Variants in RPRD2 observed in about 807,000 individuals in gnomAD.
RPRD2 encodes the protein regulation of nuclear pre-mRNA domain containing 2.
In RPRD2, 12 loss-of-function variants were observed where a neutral mutation model predicts 104.4. The ratio of observed to expected loss-of-function variants is 0.11; its 90% CI spans 0.07 to 0.19. The LOEUF is 0.19. RPRD2 is among the 10% of genes least tolerant of loss of function. The pLI, the probability that RPRD2 is intolerant of heterozygous loss-of-function variation, is 1.00. For missense variants in RPRD2, 1,543 were observed against 1,790.1 expected, an observed-to-expected ratio of 0.86 and a Z score of 2.49; for synonymous variants, 714 against 684.9, an observed-to-expected ratio of 1.04 and a Z score of -0.66.
chr1:150,399,576 G>T (rs1391683943), intron 1 of RPRD2, among the ~76,000 whole-genome samples: 3 of 151,992 alleles, frequency 2.0e-5, no homozygotes, highest in Admixed American at 1.3e-4. Flanking sequence ...GGCCAACATG[G>T]TGAGACCTCA....
At chr1:150,453,365 C>T (rs942547405) in intron 7 of RPRD2, among the ~76,000 whole-genome samples, 8 of 152,060 alleles carry the variant, frequency 5.3e-5, no homozygotes, top group Non-Finnish European at 8.8e-5. Context: ...TGGCCAGTCT[C>T]CCAGCACTTC....
chr1:150,459,937 G>A (rs782316322), intron 8 of RPRD2, 123 bp from the exon 9 acceptor site: 48 of 796,560 alleles, frequency 6.0e-5, no homozygotes, highest in Middle Eastern at 2.4e-4. Context: ...GAAGTGAGTC[G>A]TTGTTTTCTC....
intron 1 of RPRD2, among the ~76,000 whole-genome samples, chr1:150,406,172 A>G (rs1231803204): frequency 6.6e-6 from 1 of 152,190 alleles, no homozygotes; most frequent in Non-Finnish European, 1.5e-5. Flanking sequence ...TGCTTGATTA[A>G]CTGCTTGGTT....
chr1:150,387,567 CTTTTTTTTTTTTTTTTTTTTTT>C (rs562476167), intron 1 of RPRD2, among the ~76,000 whole-genome samples: 186 of 73,794 alleles, frequency 2.5e-3, no homozygotes, highest in Middle Eastern at 0.012. Flanking sequence ...TGCAACAGAC[CTTTTTTTTTTTTTTTTTTTTTT>C]TTTTTTTTTT....
At chr1:150,464,411 G>A (rs1253311008) in intron 9 of RPRD2, 116 bp from the exon 10 acceptor site, 1 of 725,134 alleles carries the variant, frequency 1.4e-6, no homozygotes, top group Non-Finnish European at 2.3e-6. Context: ...ACCATTTGTG[G>A]ATCAACCACA....
At chr1:150,464,362 GTTTT>G (rs34642023) in intron 9 of RPRD2, among the ~76,000 whole-genome samples, 161 bp from the exon 10 acceptor site, 1 of 131,076 alleles carries the variant, frequency 7.6e-6, no homozygotes, top group Non-Finnish European at 1.7e-5. Context: ...TCTTTTCAGG[GTTTT>G]TTTTTTTTTT....
intron 10 of RPRD2, among the ~76,000 whole-genome samples, chr1:150,465,975 T>C (rs1425343738): frequency 7.4e-6 from 1 of 135,590 alleles, no homozygotes; most frequent in African/African-American, 3.0e-5. Flanking sequence ...ATCACGCTAC[T>C]GCACTCCAGC....
In RPRD2 at chr1:150,475,577, C is replaced by T. The variant is rs1560235808; in HGVS notation, c.*2243C>T. 2.0e-5 allele frequency: 3 copies of T among 152,346 alleles called. No homozygotes were observed. The highest frequency in any genetic ancestry group is 7.3e-5 in the African/African-American group (3 of 41,316). The allele number at this position is 152,346 out of a possible 1,614,324, so 9.4% of individuals were successfully genotyped here. On this transcript the variant is annotated 3_prime_UTR_variant, in exon 11 of 11. Transcript: ENST00000369068. ...TAAGGAGTTGGGTTTTTGTGGGGTA[C>T]TTTTTTGTTTTTTAAGCCACAAAAT...
chr1:150,393,491 C>T (rs1331109524), intron 1 of RPRD2, among the ~76,000 whole-genome samples: 1 of 118,188 alleles, frequency 8.5e-6, no homozygotes, highest in Non-Finnish European at 1.8e-5. Context: ...ATAAAAAAAA[C>T]ATTGGGTGAA....
At chr1:150,465,752 G>A (rs1464992943) in intron 10 of RPRD2, among the ~76,000 whole-genome samples, 2 of 142,454 alleles carry the variant, frequency 1.4e-5, no homozygotes, top group Admixed American at 6.8e-5. Context: ...ACAGTAGGAA[G>A]GGTCCATTTA....
intron 1 of RPRD2, among the ~76,000 whole-genome samples, chr1:150,400,534 G>C (rs1274269159): frequency 6.6e-6 from 1 of 152,138 alleles, no homozygotes; most frequent in Non-Finnish European, 1.5e-5. Flanking sequence ...TAACAATAGA[G>C]TTTATGCTCC....
At position 150,475,993 on chromosome 1, in the gene RPRD2, G is replaced by A. The variant is rs750632193; in HGVS notation, c.*2659G>A. The A allele has an allele frequency of 3.3e-5, 5 of 152,166 alleles. No individual in the cohort carries two copies. The highest frequency in any genetic ancestry group is 7.3e-5 in the Non-Finnish European group (5 of 68,030). 9.4% of individuals were successfully genotyped at this position (152,166 alleles called of 1,614,324 possible). A position where few individuals can be genotyped will look rare whatever the true frequency, so the allele number is the denominator to read the frequency against. ...AAAATCACAGACAGAGAATTGGTAG[G>A]GGTTGTGAATACACTAGTACCACTT... On this transcript the variant is annotated 3_prime_UTR_variant, in exon 11 of 11. Coordinates refer to ENST00000369068, the MANE Select transcript of RPRD2 (RefSeq NM_015203.5).
At chr1:150,455,763 TA>T (rs2102401036) in intron 7 of RPRD2, among the ~76,000 whole-genome samples, 1 of 152,188 alleles carries the variant, frequency 6.6e-6, no homozygotes, top group South Asian at 2.1e-4. Flanking sequence ...ATATAGGGTA[TA>T]TGGGAACTAT....
chr1:150,386,529 G>A (rs587737124), intron 1 of RPRD2, among the ~76,000 whole-genome samples: 3 of 152,210 alleles, frequency 2.0e-5, no homozygotes, highest in African/African-American at 4.8e-5. Flanking sequence ...GGGCACCTGC[G>A]GCTGGACACC....
intron 7 of RPRD2, among the ~76,000 whole-genome samples, chr1:150,451,704 CA>C (rs1387796726): frequency 1.0e-4 from 15 of 149,000 alleles, no homozygotes; most frequent in African/African-American, 3.5e-4. Flanking sequence ...TCGTCCACCC[CA>C]AAAAGATGTG....
chr1:150,384,762 C>A (rs1045819276), intron 1 of RPRD2, among the ~76,000 whole-genome samples: 2 of 151,990 alleles, frequency 1.3e-5, no homozygotes, highest in Non-Finnish European at 2.9e-5. Context: ...CTGCCTCGGC[C>A]TCCCAAAGTG....
At chr1:150,442,661 T>G (rs1553894711) in intron 4 of RPRD2, among the ~76,000 whole-genome samples, 1 of 152,210 alleles carries the variant, frequency 6.6e-6, no homozygotes, top group Non-Finnish European at 1.5e-5. Context: ...AAGGGAGTCC[T>G]CAGACATCTT....
intron 9 of RPRD2, among the ~76,000 whole-genome samples, chr1:150,463,612 T>C (rs1369166699): frequency 6.6e-6 from 1 of 152,224 alleles, no homozygotes; most frequent in Non-Finnish European, 1.5e-5. Context: ...GTTTTTCTCT[T>C]TATATATTTT....
intron 3 of RPRD2, 141 bp from the exon 4 acceptor site, chr1:150,441,740 C>A: frequency 1.9e-6 from 1 of 529,110 alleles, no homozygotes. Context: ...TCTATTTTTT[C>A]ATAAAAATGA....
Sources: allele counts gnomAD v4.1 joint callset (sites outside exome capture counted in the v4.1 genomes callset), GRCh38; gene constraint gnomAD v4.1.1; transcripts MANE v1.5; gene names NCBI Gene and HGNC (gene_info 2026-07-23, HGNC 2026-07-21).